TSC22D1: variants seen among roughly 807,000 people sequenced by gnomAD.
TSC22D1 encodes TSC22 domain family protein 1.
A neutral mutation model predicts 74.2 loss-of-function variants in TSC22D1; 9 were observed. The ratio of observed to expected loss-of-function variants is 0.12; its 90% CI spans 0.07 to 0.21. The LOEUF (loss-of-function observed/expected upper bound fraction) is 0.21, where lower values mean the gene tolerates loss of function less well. TSC22D1 is among the 10% of genes least tolerant of loss of function. TSC22D1 has a pLI of 1.00. For synonymous variants in TSC22D1, 586 were observed against 492.5 expected, an observed-to-expected ratio of 1.19 and a Z score of -2.51; for missense variants, 1,427 against 1,304.7, an observed-to-expected ratio of 1.09 and a Z score of -1.44.
intron 1 of TSC22D1, among the ~76,000 whole-genome samples, chr13:44,496,350 A>C (rs757499408): frequency 2.2e-4 from 33 of 152,128 alleles, no homozygotes; most frequent in Non-Finnish European, 3.8e-4. Context: ...AGCCTGGACA[A>C]CATAGGGAGA....
rs1029146537 is a variant in TSC22D1 at position 44,574,767 on chromosome 13, T to C, written c.1308A>G (p.Val436=). Residue 436 remains valine (V), a synonymous_variant, in exon 1 of 3, where the codon GTA becomes GTG. Transcript: ENST00000458659. ...TTATCAGCACACCTTCTGTAGCAGGTACAGCATTTTCTTTTTCATAGAACT... is the reference window on the plus strand; with the variant it reads ...TTATCAGCACACCTTCTGTAGCAGGCACAGCATTTTCTTTTTCATAGAACT... ...CTEFYEKENA[V]PATEGVLINK... The C allele has an allele frequency of 6.2e-7, 1 of 1,613,960 alleles. No homozygotes were observed. The highest frequency in any genetic ancestry group is 8.5e-7 in the Non-Finnish European group (1 of 1,180,036).
intron 1 of TSC22D1, among the ~76,000 whole-genome samples, chr13:44,550,488 A>C (rs1235765661): frequency 6.6e-6 from 1 of 151,802 alleles, no homozygotes; most frequent in Non-Finnish European, 1.5e-5. Flanking sequence ...GGGCTGAGGA[A>C]GGAGAATTGC....
intron 1 of TSC22D1, among the ~76,000 whole-genome samples, chr13:44,523,737 T>A (rs1189318918): frequency 6.6e-6 from 1 of 152,102 alleles, no homozygotes; most frequent in African/African-American, 2.4e-5. Flanking sequence ...AAAAGTAAAC[T>A]AAATTTGAGA....
At chr13:44,546,277 G>C (rs1333951081) in intron 1 of TSC22D1, among the ~76,000 whole-genome samples, 1 of 152,156 alleles carries the variant, frequency 6.6e-6, no homozygotes, top group African/African-American at 2.4e-5. Context: ...CAAGACATGT[G>C]TTAATTACAA....
intron 1 of TSC22D1, among the ~76,000 whole-genome samples, chr13:44,510,760 T>C (rs551304044): frequency 9.3e-4 from 141 of 152,166 alleles, no homozygotes; most frequent in Middle Eastern, 3.4e-3. Flanking sequence ...ACCCAGCTAA[T>C]TTTTGTATAT....
chr13:44,437,293 G>GT, intron 1 of TSC22D1: 1 of 980,330 alleles, frequency 1.0e-6, no homozygotes, highest in Non-Finnish European at 1.2e-6. Context: ...TCCCACCACT[G>GT]TAAGACTTCG....
chr13:44,539,921 G>A (rs780732672), intron 1 of TSC22D1: 15 of 1,289,336 alleles, frequency 1.2e-5, no homozygotes, highest in Non-Finnish European at 1.4e-5. Flanking sequence ...TAGGAGAGAA[G>A]CACTGAAATA....
At chr13:44,519,269 T>C (rs999378271) in intron 1 of TSC22D1, among the ~76,000 whole-genome samples, 3 of 152,174 alleles carry the variant, frequency 2.0e-5, no homozygotes, top group Non-Finnish European at 4.4e-5. Context: ...CTTTTTTTCA[T>C]AGTAAATGAA....
At chr13:44,488,500 GT>G (rs1170951850) in intron 1 of TSC22D1, among the ~76,000 whole-genome samples, 1 of 151,958 alleles carries the variant, frequency 6.6e-6, no homozygotes, top group Non-Finnish European at 1.5e-5. Context: ...TAAGGCTAAC[GT>G]TGCATTTCCA....
At chr13:44,468,159 A>G (rs148476488) in intron 1 of TSC22D1, among the ~76,000 whole-genome samples, 14 of 152,312 alleles carry the variant, frequency 9.2e-5, no homozygotes, top group Non-Finnish European at 1.3e-4. Context: ...ACCTATAAAC[A>G]TGAGCTAAGC....
Position 44,574,780 on chromosome 13 carries a change from T to C in TSC22D1, c.1295A>G (p.Lys432Arg), listed in dbSNP as rs371604836. Reference sequence around the variant, plus strand: ...TTCTGTAGCAGGTACAGCATTTTCTTTTTCATAGAACTCAGTGCAAGTCCA... The same window carrying C: ...TTCTGTAGCAGGTACAGCATTTTCTCTTTCATAGAACTCAGTGCAAGTCCA... ...GRWTCTEFYE[K>R]ENAVPATEGV... Residue 432 changes from lysine to arginine, a missense_variant, in exon 1 of 3, where the codon AAA becomes AGA. Transcript: ENST00000458659. 2.2e-5 allele frequency: 36 copies of C among 1,613,998 alleles called. No homozygotes were observed. Among genetic ancestry groups the C allele is most frequent in the Non-Finnish European group, 2.6e-5 (31 of 1,180,054 alleles).
At chr13:44,458,127 A>T (rs989433637) in intron 1 of TSC22D1, among the ~76,000 whole-genome samples, 7 of 152,156 alleles carry the variant, frequency 4.6e-5, no homozygotes, top group African/African-American at 1.4e-4. Context: ...TGATCCTCCT[A>T]ATTTCTCACT....
chr13:44,521,293 A>G (rs1255049419), intron 1 of TSC22D1, among the ~76,000 whole-genome samples: 3 of 152,180 alleles, frequency 2.0e-5, no homozygotes, highest in Non-Finnish European at 2.9e-5. Flanking sequence ...TGATGATGTC[A>G]AACACAGTGA....
At chr13:44,493,647 C>T (rs1656469119) in intron 1 of TSC22D1, among the ~76,000 whole-genome samples, 1 of 152,146 alleles carries the variant, frequency 6.6e-6, no homozygotes, top group Admixed American at 6.6e-5. Context: ...CCTGAGAAGA[C>T]CCCAAACTTT....
chr13:44,565,748 G>A (rs1883332295), intron 1 of TSC22D1, among the ~76,000 whole-genome samples: 1 of 152,058 alleles, frequency 6.6e-6, no homozygotes. Flanking sequence ...TTTAAATCGA[G>A]ATGGGGACTA....
In TSC22D1 at chr13:44,485,344, T is replaced by C. The variant is rs776452175; in HGVS notation, c.2913-49249A>G. On this transcript the variant is annotated intron_variant, in intron 1 of 2. Coordinates refer to ENST00000458659, the MANE Select transcript of TSC22D1 (RefSeq NM_183422.4). ...ATGAATCTAAAAGCAATCACCAAGA[T>C]ATATATATGGAAAGTTCTTTTAGTC... 3.9e-5 allele frequency among the ~76,000 whole-genome samples: 6 copies of C among 152,146 alleles called. No individual in the cohort carries two copies. The South Asian group carries it at 6.2e-4, about 16-fold the overall frequency.
intron 1 of TSC22D1, among the ~76,000 whole-genome samples, chr13:44,552,011 T>G (rs1011608571): frequency 2.0e-4 from 30 of 152,320 alleles, no homozygotes; most frequent in South Asian, 4.1e-4. Context: ...CTTCACTAGG[T>G]GCATTATACA....
Position 44,472,754 on chromosome 13 carries a change from G to T in TSC22D1, c.2913-36659C>A, listed in dbSNP as rs910940855. 1.3e-5 allele frequency among the ~76,000 whole-genome samples: 2 copies of T among 152,166 alleles called. 1 individual carries two copies. Among genetic ancestry groups the T allele is most frequent in the South Asian group, 4.1e-4 (2 of 4,832 alleles). ...GAGCCTGGGAGGTTGAGACTGCAGT[G>T]AGCCATGACCTAATCTTCAAGGAAA... On this transcript the variant is annotated intron_variant, in intron 1 of 2. Coordinates refer to ENST00000458659, the MANE Select transcript of TSC22D1 (RefSeq NM_183422.4).
intron 1 of TSC22D1, among the ~76,000 whole-genome samples, chr13:44,444,186 G>A (rs1875423673): frequency 6.9e-6 from 1 of 144,434 alleles, no homozygotes; most frequent in African/African-American, 2.5e-5. Flanking sequence ...GGCTGAGGCA[G>A]GAGAATCGCT....
Sources: gnomAD v4.1 joint callset for allele counts (sites outside exome capture counted in the v4.1 genomes callset) on GRCh38, gnomAD v4.1.1 for gene constraint, MANE v1.5 for transcripts, NCBI Gene and HGNC (gene_info 2026-07-23, HGNC 2026-07-21) for gene names.